The following CHTF8 variants were observed in gnomAD, a reference collection of about 807,000 sequenced individuals.
CHTF8 encodes the protein chromosome transmission fidelity factor 8, also known as chromosome transmission fidelity protein 8 homolog.
In CHTF8, 6 loss-of-function variants were observed where a neutral mutation model predicts 11.0. That is an observed-to-expected ratio of 0.55 (90% CI 0.30 to 1.08). The LOEUF (loss-of-function observed/expected upper bound fraction) is 1.08. Ranked by LOEUF, CHTF8 falls within the 50% of genes least tolerant of loss-of-function variation. The pLI is 0.07. For synonymous variants in CHTF8, 53 were observed against 60.5 expected (o/e 0.88, Z 0.57); for missense variants, 140 against 153.1 (o/e 0.91, Z 0.45).
In CHTF8 at chr16:69,119,074, G is replaced by A. The variant is rs759384794; in HGVS notation, c.*1351C>T. On this transcript the variant is annotated 3_prime_UTR_variant, in exon 4 of 4. Coordinates refer to ENST00000448552, the MANE Select transcript of CHTF8 (RefSeq NM_001039690.5). ...GTTGATACCCACAGGGCCAGCTGGA[G>A]AAGGGCCCAGATGCCCGGCAGCTGG... 1.4e-6 allele frequency: 1 copy of A among 703,060 alleles called. No individual in the cohort carries two copies. Among genetic ancestry groups the A allele is most frequent in the Admixed American group, 2.0e-5 (1 of 50,026 alleles). 43.6% of individuals were successfully genotyped at this position (703,060 alleles called of 1,614,324 possible). A position where few individuals can be genotyped will look rare whatever the true frequency, so the allele number is the denominator to read the frequency against.
rs1961512260 is a variant in CHTF8, at chr16:69,120,060, T to G, written c.*365A>C. 4.3e-6 allele frequency: 3 copies of G among 689,786 alleles called. No homozygotes were observed. The highest frequency in any genetic ancestry group is 1.8e-5 in the African/African-American group (1 of 56,106). The allele number at this position is 689,786 out of a possible 1,614,324, so 42.7% of individuals were successfully genotyped here. On this transcript the variant is annotated 3_prime_UTR_variant, in exon 4 of 4. Transcript: ENST00000448552. This position sits in a 1 kb window ranked among gnomAD's most constrained non-coding sequence, Gnocchi z 4.0. ...TAGGGTTTAGGGTGGGGCCTGGGCC[T>G]GGGCCTGGCCCCAAGAGGCCACCAG... is the stretch of plus-strand genomic sequence containing the variant.
Position 69,121,101 on chromosome 16 carries a change from GCTGTAGCGAGCCTCGATCTCCCC to G in CHTF8, c.70_92del (p.Gly24HisfsTer16), listed in dbSNP as rs1288927413. ...CCAGGAGGTTTCCAGCTAATCCAGT[GCTGTAGCGAGCCTCGATCTCCCC>G]CTGTAGCTCCATCAGCACCCATTCT... On this transcript the variant is annotated frameshift_variant, in exon 3 of 4. Coordinates refer to ENST00000448552, the MANE Select transcript of CHTF8 (RefSeq NM_001039690.5). LOFTEE classifies it high-confidence loss of function. 6.2e-7 allele frequency: 1 copy of G among 1,613,982 alleles called. No individual in the cohort carries two copies. The highest frequency in any genetic ancestry group is 2.2e-5 in the East Asian group (1 of 44,882).
rs1238337941 is a variant in CHTF8, at chr16:69,120,856, T to A, written c.141+197A>T. ...ATAGGAGAATTTCCACTTTCAGAAATGTGAGCTTTCCAGATTCCCCAAAAT... is the reference window on the plus strand; with the variant it reads ...ATAGGAGAATTTCCACTTTCAGAAAAGTGAGCTTTCCAGATTCCCCAAAAT... On this transcript the variant is annotated intron_variant, in intron 3 of 3. Coordinates refer to ENST00000448552, the MANE Select transcript of CHTF8 (RefSeq NM_001039690.5). This position sits in a 1 kb window ranked among gnomAD's most constrained non-coding sequence, Gnocchi z 4.0. The A allele has an allele frequency of 1.3e-6, 1 of 747,924 alleles. No homozygotes were observed. The highest frequency in any genetic ancestry group is 2.4e-6 in the Non-Finnish European group (1 of 420,206). 46.3% of individuals were successfully genotyped at this position (747,924 alleles called of 1,614,324 possible). A position where few individuals can be genotyped will look rare whatever the true frequency, so the allele number is the denominator to read the frequency against.
intron 1 of CHTF8, among the ~76,000 whole-genome samples, chr16:69,131,720 A>G (rs1409550835): frequency 1.3e-5 from 2 of 149,172 alleles, no homozygotes; most frequent in African/African-American, 5.0e-5. Context: ...GGTCTTCCAA[A>G]CCGTTCACCC....
Position 69,118,486 on chromosome 16 carries a change from G to A in CHTF8, c.*1939C>T, listed in dbSNP as rs763004437. ...GAGCTGATTCTCCAATGGTGAGCAGGGGACTACATGTGAACTGGGACCTGC... is the reference window on the plus strand; with the variant it reads ...GAGCTGATTCTCCAATGGTGAGCAGAGGACTACATGTGAACTGGGACCTGC... On this transcript the variant is annotated 3_prime_UTR_variant, in exon 4 of 4. Transcript: ENST00000448552. The A allele has an allele frequency of 1.4e-6, 2 of 1,381,938 alleles. No homozygotes were observed. The highest frequency in any genetic ancestry group is 1.2e-5 in the South Asian group (1 of 86,646). 85.6% of individuals were successfully genotyped at this position (1,381,938 alleles called of 1,614,324 possible).
chr16:69,127,684 A>T (rs1290374396), intron 1 of CHTF8, among the ~76,000 whole-genome samples: 2 of 138,286 alleles, frequency 1.4e-5, no homozygotes, highest in African/African-American at 5.6e-5. Flanking sequence ...ATCTCAGCTC[A>T]TTGCAACCTC....
Position 69,120,027 on chromosome 16 carries a change from C to G in CHTF8, c.*398G>C, listed in dbSNP as rs1961507940. On this transcript the variant is annotated 3_prime_UTR_variant, in exon 4 of 4. Coordinates refer to ENST00000448552, the MANE Select transcript of CHTF8 (RefSeq NM_001039690.5). The surrounding 1 kb of genome is among the most constrained non-coding windows in gnomAD (Gnocchi z 4.0). ...ACAGAGGCCCTGGGCCTGGCAGAGC[C>G]CCTGTCCTAGGGTTTAGGGTGGGGC... 5 of 690,068 alleles carry G rather than the reference C, an allele frequency of 7.2e-6. No homozygotes were observed. The South Asian group carries it at 7.5e-5, about 10-fold the overall frequency. 42.7% of individuals were successfully genotyped at this position (690,068 alleles called of 1,614,324 possible).
intron 1 of CHTF8, among the ~76,000 whole-genome samples, chr16:69,123,855 A>G (rs967051548): frequency 6.6e-5 from 10 of 151,672 alleles, no homozygotes; most frequent in Admixed American, 4.6e-4. Flanking sequence ...TGGGAGACCA[A>G]AGTGGGTGGA....
Position 69,121,156 on chromosome 16 carries a change from C to A in CHTF8, c.38G>T (p.Gly13Val), listed in dbSNP as rs776627380. The change falls in exon 3 of 4, where the codon GGC (glycine) becomes GTC (valine). Residue 13 changes from glycine (G) to valine (V), a missense_variant. Physicochemically the swap from Gly to Val is moderately radical, Grantham distance 109. Coordinates refer to ENST00000448552, the MANE Select transcript of CHTF8 (RefSeq NM_001039690.5). ...CTCCATCAGCACCCATTCTGCCAGG[C>A]CTCCAGCCCTCGCACTGCAAGCAAA... Reference protein sequence around the residue: ...QIVISSARAGGLAEWVLMELQ... With the variant: ...QIVISSARAGVLAEWVLMELQ... 1 of 1,612,948 alleles carries A rather than the reference C, an allele frequency of 6.2e-7. No individual in the cohort carries two copies. Among genetic ancestry groups the A allele is most frequent in the South Asian group, 1.1e-5 (1 of 91,034 alleles).
chr16:69,119,808 T>C lies in CHTF8; in HGVS notation c.*617A>G. 1.4e-6 allele frequency: 1 copy of C among 701,028 alleles called. No individual in the cohort carries two copies. 43.4% of individuals were successfully genotyped at this position (701,028 alleles called of 1,614,324 possible). Reference sequence around the variant, plus strand: ...CTGATCTCAGATTGGGGTTTGGTCCTGGGCCCAGGCCAACTGGCCTAGGAT... The same window carrying C: ...CTGATCTCAGATTGGGGTTTGGTCCCGGGCCCAGGCCAACTGGCCTAGGAT... On this transcript the variant is annotated 3_prime_UTR_variant, in exon 4 of 4. Transcript: ENST00000448552.
rs1313854416 is a variant in CHTF8 at position 69,118,069 on chromosome 16, C to T, written c.*2356G>A. On this transcript the variant is annotated 3_prime_UTR_variant, in exon 4 of 4. Coordinates refer to ENST00000448552, the MANE Select transcript of CHTF8 (RefSeq NM_001039690.5). ...AAAAGATACAATGCAGGAAAACCAC[C>T]AACCATCCTTGCACACCAGGCCGAA... 4.1e-6 allele frequency: 2 copies of T among 486,258 alleles called. No homozygotes were observed. Among genetic ancestry groups the T allele is most frequent in the Non-Finnish European group, 7.4e-6 (2 of 269,894 alleles). The allele number at this position is 486,258 out of a possible 1,614,324, so 30.1% of individuals were successfully genotyped here. A position where few individuals can be genotyped will look rare whatever the true frequency, so the allele number is the denominator to read the frequency against.
intron 1 of CHTF8, among the ~76,000 whole-genome samples, chr16:69,122,032 C>A (rs1001210112): frequency 5.3e-5 from 8 of 151,514 alleles, no homozygotes; most frequent in Admixed American, 5.3e-4. Flanking sequence ...GTGATTCACC[C>A]GCCTCAGCCT....
chr16:69,128,543 C>T (rs1388965717), intron 1 of CHTF8, among the ~76,000 whole-genome samples: 1 of 152,044 alleles, frequency 6.6e-6, no homozygotes, highest in African/African-American at 2.4e-5. Flanking sequence ...GCTAAATGAA[C>T]TAAACAATAC....
At position 69,118,166 on chromosome 16, in the gene CHTF8, T is replaced by C. The variant is rs564160374; in HGVS notation, c.*2259A>G. 7 of 532,436 alleles carry C rather than the reference T, an allele frequency of 1.3e-5. No individual in the cohort carries two copies. The highest frequency in any genetic ancestry group is 2.4e-5 in the Non-Finnish European group (7 of 295,222). 33.0% of individuals were successfully genotyped at this position (532,436 alleles called of 1,614,324 possible). A position where few individuals can be genotyped will look rare whatever the true frequency, so the allele number is the denominator to read the frequency against. On this transcript the variant is annotated 3_prime_UTR_variant, in exon 4 of 4. Transcript: ENST00000448552. ...TCCCATATTCCCATCCACATCAGTT[T>C]AAATTTTGAGGTTCTTTGATTGATT...
Position 69,118,944 on chromosome 16 carries a change from C to T in CHTF8, c.*1481G>A. The T allele has an allele frequency of 1.4e-6, 1 of 703,028 alleles. No individual in the cohort carries two copies. The highest frequency in any genetic ancestry group is 1.7e-5 in the African/African-American group (1 of 57,384). 43.5% of individuals were successfully genotyped at this position (703,028 alleles called of 1,614,324 possible). ...CTGGGTTTGTGCCAGGGAGGCTCCC[C>T]ACTCTAGGAAATGGGACGAAACTCT... On this transcript the variant is annotated 3_prime_UTR_variant, in exon 4 of 4. Coordinates refer to ENST00000448552, the MANE Select transcript of CHTF8 (RefSeq NM_001039690.5).
chr16:69,120,285 C>T lies in CHTF8; in HGVS notation c.*140G>A, dbSNP rs1413263592. The T allele has an allele frequency of 1.0e-5, 8 of 788,794 alleles. No homozygotes were observed. The highest frequency in any genetic ancestry group is 2.2e-4 in the Middle Eastern group (1 of 4,512). The allele number at this position is 788,794 out of a possible 1,614,324, so 48.9% of individuals were successfully genotyped here. The stretch of plus-strand genomic sequence containing the variant: ...AACCGGCCGCCATAAGGAAGGGATC[C>T]GAGTTCACACCCAGTGGGTGGCCTG... On this transcript the variant is annotated 3_prime_UTR_variant, in exon 4 of 4. Coordinates refer to ENST00000448552, the MANE Select transcript of CHTF8 (RefSeq NM_001039690.5). The surrounding 1 kb of genome is among the most constrained non-coding windows in gnomAD (Gnocchi z 4.0).
At chr16:69,122,402 T>G (rs1961743031) in intron 1 of CHTF8, among the ~76,000 whole-genome samples, 1 of 152,022 alleles carries the variant, frequency 6.6e-6, no homozygotes, top group Admixed American at 6.6e-5. Flanking sequence ...AGACCAAGTT[T>G]CACTTTGTCA....
chr16:69,128,794 G>A (rs569371716), intron 1 of CHTF8, among the ~76,000 whole-genome samples: 2 of 152,166 alleles, frequency 1.3e-5, no homozygotes, highest in South Asian at 2.1e-4. Context: ...CGCCAGGCAC[G>A]GTGGCTCACG....
Position 69,118,399 on chromosome 16 carries a change from T to C in CHTF8, c.*2026A>G, listed in dbSNP as rs200800671. Reference sequence around the variant, plus strand: ...CAGTAGAGGATGACCAGGTCCAAGCTGCCCAGGTCAGAGCTACGGAAGCAT... The same window carrying C: ...CAGTAGAGGATGACCAGGTCCAAGCCGCCCAGGTCAGAGCTACGGAAGCAT... On this transcript the variant is annotated 3_prime_UTR_variant, in exon 4 of 4. Transcript: ENST00000448552. 6.2e-7 allele frequency: 1 copy of C among 1,613,316 alleles called. No homozygotes were observed. Among genetic ancestry groups the C allele is most frequent in the Non-Finnish European group, 8.5e-7 (1 of 1,179,272 alleles).
Sources: allele counts gnomAD v4.1 joint callset (sites outside exome capture counted in the v4.1 genomes callset), GRCh38; gene constraint gnomAD v4.1.1; non-coding constraint Gnocchi (gnomAD v3.1); transcripts MANE v1.5; gene names NCBI Gene and HGNC (gene_info 2026-07-23, HGNC 2026-07-21).